The following CTNND2 variants were observed in gnomAD, a reference collection of about 807,000 sequenced individuals.
The protein encoded by CTNND2 is catenin delta-2.
A neutral mutation model predicts 144.4 loss-of-function variants in CTNND2; 22 were observed. The observed-to-expected ratio is 0.15, with a 90% CI of 0.11 to 0.22. The LOEUF is 0.22. CTNND2 is among the 10% of genes least tolerant of loss of function. The pLI, the probability that CTNND2 is intolerant of heterozygous loss-of-function variation, is 1.00. For synonymous variants in CTNND2, 751 were observed against 695.6 expected (o/e 1.08, Z -1.25); for missense variants, 1,353 against 1,618.8 (o/e 0.84, Z 2.82).
chr5:11,750,515 C>T (rs147974735), intron 1 of CTNND2, among the ~76,000 whole-genome samples: 277 of 151,874 alleles, frequency 1.8e-3, no homozygotes, highest in African/African-American at 6.5e-3. Context: ...GAGTGCATGA[C>T]GGGGGATACC....
intron 9 of CTNND2, among the ~76,000 whole-genome samples, chr5:11,295,050 T>C (rs1163312801): frequency 6.6e-6 from 1 of 152,198 alleles, no homozygotes; most frequent in Non-Finnish European, 1.5e-5. Context: ...TTGTCCCTGT[T>C]TGCAGATGAC....
intron 18 of CTNND2, among the ~76,000 whole-genome samples, chr5:11,000,844 A>G (rs1439101025): frequency 1.3e-5 from 2 of 152,112 alleles, no homozygotes; most frequent in African/African-American, 4.8e-5. Context: ...GGTTCTCTTT[A>G]GGTTATTCCG....
At chr5:11,050,228 T>C (rs1481055537) in intron 16 of CTNND2, among the ~76,000 whole-genome samples, 3 of 152,076 alleles carry the variant, frequency 2.0e-5, no homozygotes, top group African/African-American at 7.2e-5. Flanking sequence ...AGACCCAGAG[T>C]CAATAACACC....
intron 9 of CTNND2, among the ~76,000 whole-genome samples, chr5:11,334,377 A>G (rs1753525939): frequency 6.6e-6 from 1 of 152,236 alleles, no homozygotes; most frequent in Non-Finnish European, 1.5e-5. Flanking sequence ...ACTCGTTCAG[A>G]AAAATAAAGG....
At chr5:11,334,487 A>G (rs551015533) in intron 9 of CTNND2, among the ~76,000 whole-genome samples, 43 of 152,306 alleles carry the variant, frequency 2.8e-4, no homozygotes, top group African/African-American at 9.6e-4. Flanking sequence ...TGAAAAGACT[A>G]CATCCCAGGC....
intron 3 of CTNND2, among the ~76,000 whole-genome samples, chr5:11,418,791 A>C (rs1334615464): frequency 6.6e-6 from 1 of 152,122 alleles, no homozygotes; most frequent in African/African-American, 2.4e-5. Context: ...ATCCCCTCAT[A>C]TGAACACTTA....
At chr5:11,762,099 G>A (rs2126806991) in intron 1 of CTNND2, among the ~76,000 whole-genome samples, 1 of 152,172 alleles carries the variant, frequency 6.6e-6, no homozygotes, top group African/African-American at 2.4e-5. Flanking sequence ...TATGCTTACT[G>A]ATATAACTGG....
intron 8 of CTNND2, among the ~76,000 whole-genome samples, chr5:11,355,866 A>G (rs775913476): frequency 3.3e-5 from 5 of 152,128 alleles, no homozygotes; most frequent in African/African-American, 4.8e-5. Flanking sequence ...TCAACACACA[A>G]AAATCTGTAG....
intron 3 of CTNND2, among the ~76,000 whole-genome samples, chr5:11,469,724 T>A (rs1766989810): frequency 6.6e-6 from 1 of 152,256 alleles, no homozygotes; most frequent in Non-Finnish European, 1.5e-5. Flanking sequence ...TAGGTAATTT[T>A]AAATATTCAA....
chr5:11,050,238 CT>C (rs1745692464), intron 16 of CTNND2, among the ~76,000 whole-genome samples: 1 of 152,136 alleles, frequency 6.6e-6, no homozygotes, highest in African/African-American at 2.4e-5. Context: ...TCAATAACAC[CT>C]TCCCTACAAG....
chr5:11,421,003 AC>A, intron 3 of CTNND2, among the ~76,000 whole-genome samples: 1 of 152,150 alleles, frequency 6.6e-6, no homozygotes, highest in Admixed American at 6.5e-5. Flanking sequence ...AACTCTGCTT[AC>A]CTTTAGGAAA....
chr5:11,792,365 G>T (rs1362441038), intron 1 of CTNND2, among the ~76,000 whole-genome samples: 1 of 152,126 alleles, frequency 6.6e-6, no homozygotes, highest in Non-Finnish European at 1.5e-5. Context: ...CATCATTAAT[G>T]ATTGTTAGCA....
intron 2 of CTNND2, among the ~76,000 whole-genome samples, chr5:11,607,784 A>C (rs1448605516): frequency 1.3e-5 from 2 of 152,194 alleles, no homozygotes; most frequent in Non-Finnish European, 2.9e-5. Flanking sequence ...TTGGGCTGAA[A>C]GTCTGTGAAC....
chr5:11,473,523 A>G (rs1234247246), intron 3 of CTNND2, among the ~76,000 whole-genome samples: 1 of 152,256 alleles, frequency 6.6e-6, no homozygotes, highest in Non-Finnish European at 1.5e-5. Flanking sequence ...GCAGTAAAAA[A>G]GGCCTAAGCA....
At chr5:11,595,110 T>G (rs1237913225) in intron 2 of CTNND2, among the ~76,000 whole-genome samples, 1 of 152,176 alleles carries the variant, frequency 6.6e-6, no homozygotes, top group Non-Finnish European at 1.5e-5. Flanking sequence ...AGGAGTAAGA[T>G]TTTTAGGGCC....
At chr5:11,284,671 C>T (rs867504112) in intron 9 of CTNND2, among the ~76,000 whole-genome samples, 1 of 152,158 alleles carries the variant, frequency 6.6e-6, no homozygotes, top group Non-Finnish European at 1.5e-5. Context: ...CATTGATGGG[C>T]ATTTGGGTTG....
intron 2 of CTNND2, among the ~76,000 whole-genome samples, chr5:11,725,364 T>A (rs1454476935): frequency 6.6e-6 from 1 of 152,230 alleles, no homozygotes; most frequent in Non-Finnish European, 1.5e-5. Flanking sequence ...TGTATTTGGG[T>A]TATTAGTGAT....
intron 2 of CTNND2, among the ~76,000 whole-genome samples, chr5:11,632,537 A>C (rs1276550261): frequency 6.6e-6 from 1 of 152,176 alleles, no homozygotes; most frequent in Non-Finnish European, 1.5e-5. Flanking sequence ...ATTATCTAAA[A>C]TGTGCAGCTT....
At chr5:11,191,278 G>T (rs1332864928) in intron 11 of CTNND2, among the ~76,000 whole-genome samples, 1 of 152,200 alleles carries the variant, frequency 6.6e-6, no homozygotes, top group East Asian at 1.9e-4. Context: ...ATAAAAAGCA[G>T]AGAAATCACT....
Sources: allele counts gnomAD v4.1 joint callset (sites outside exome capture counted in the v4.1 genomes callset), GRCh38; gene constraint gnomAD v4.1.1; transcripts MANE v1.5; gene names NCBI Gene and HGNC (gene_info 2026-07-23, HGNC 2026-07-21).